The following DDX10 variants were observed in gnomAD, a reference collection of about 807,000 sequenced individuals.
The protein encoded by DDX10 is probable ATP-dependent RNA helicase DDX10.
Under a neutral mutation model 104.3 loss-of-function variants are expected in DDX10, and 74 were observed. The ratio of observed to expected loss-of-function variants is 0.71; its 90% CI spans 0.59 to 0.86. The LOEUF is 0.86. Among genes scored for constraint, DDX10 ranks in the 40% least tolerant of loss-of-function variants. DDX10 has a pLI of 0.00. For synonymous variants in DDX10, 351 were observed against 353.4 expected (o/e 0.99, Z 0.08); for missense variants, 952 against 1,040.0 (o/e 0.92, Z 1.16).
At chr11:108,708,909 A>AG (rs2094280396) in intron 10 of DDX10, among the ~76,000 whole-genome samples, 1 of 152,176 alleles carries the variant, frequency 6.6e-6, no homozygotes, top group Non-Finnish European at 1.5e-5. Flanking sequence ...TGTGATAAAA[A>AG]CAGGAAAGTG....
At chr11:108,784,905 A>G (rs1368610673) in intron 13 of DDX10, among the ~76,000 whole-genome samples, 2 of 152,214 alleles carry the variant, frequency 1.3e-5, no homozygotes, top group Non-Finnish European at 2.9e-5. Context: ...ATTCTTCTGC[A>G]TATGGCTAGC....
At chr11:108,782,938 A>C (rs1304616203) in intron 13 of DDX10, among the ~76,000 whole-genome samples, 4 of 152,164 alleles carry the variant, frequency 2.6e-5, no homozygotes, top group African/African-American at 9.6e-5. Context: ...ACATGGTCTG[A>C]GTTTAGGTCA....
intron 13 of DDX10, among the ~76,000 whole-genome samples, chr11:108,753,872 C>G (rs1437490143): frequency 2.0e-5 from 3 of 151,962 alleles, no homozygotes; most frequent in Non-Finnish European, 4.4e-5. Context: ...TTTAAAATTT[C>G]TTAGGCTTTT....
chr11:108,925,076 A>G (rs1299858122), intron 17 of DDX10, among the ~76,000 whole-genome samples: 4 of 152,222 alleles, frequency 2.6e-5, no homozygotes, highest in Non-Finnish European at 5.9e-5. Flanking sequence ...AGAAAATCTC[A>G]GTCGTTTCTT....
At chr11:108,903,007 C>A (rs1300469594) in intron 16 of DDX10, among the ~76,000 whole-genome samples, 1 of 152,054 alleles carries the variant, frequency 6.6e-6, no homozygotes, top group Admixed American at 6.6e-5. Context: ...CATAGAGTTA[C>A]CATACAACCC....
At chr11:108,774,073 C>G (rs562022246) in intron 13 of DDX10, among the ~76,000 whole-genome samples, 2 of 152,288 alleles carry the variant, frequency 1.3e-5, no homozygotes, top group South Asian at 4.1e-4. Flanking sequence ...CAAATTATTC[C>G]TAAGCTAGTA....
Position 108,940,711 on chromosome 11 carries a change from C to T in DDX10, c.*288C>T. 3.5e-6 allele frequency: 1 copy of T among 282,380 alleles called. No homozygotes were observed. Among genetic ancestry groups the T allele is most frequent in the Non-Finnish European group, 6.7e-6 (1 of 149,692 alleles). The allele number at this position is 282,380 out of a possible 1,614,324, so 17.5% of individuals were successfully genotyped here. On this transcript the variant is annotated 3_prime_UTR_variant, in exon 18 of 18. Coordinates refer to ENST00000322536, the MANE Select transcript of DDX10 (RefSeq NM_004398.4). ...GGTTCCTACGCCTTGTCATTGGAAA[C>T]ACTGCCTTTGTCTTACTGGCAAGTT...
At chr11:108,830,636 G>T (rs567800958) in intron 13 of DDX10, among the ~76,000 whole-genome samples, 59 of 152,256 alleles carry the variant, frequency 3.9e-4, no homozygotes, top group African/African-American at 1.4e-3. Context: ...GTTCTCAGGG[G>T]GGGAATGCTT....
In DDX10 at chr11:108,679,378, T is replaced by C. The variant is rs1451760679; in HGVS notation, c.666T>C (p.Asp222=). The stretch of plus-strand genomic sequence containing the variant: ...TGCATTTTCCTTTTTCAGTTCTTGA[T>C]GAAGCAGATAGAATCTTGGATATGG... The part of the protein sequence containing the change: ...HATDLQMLVL[D]EADRILDMGF... The change falls in exon 6 of 18, where the codon GAT becomes GAC. Residue 222 remains aspartate (D), a synonymous_variant. Transcript: ENST00000322536. 6.3e-7 allele frequency: 1 copy of C among 1,592,798 alleles called. No individual in the cohort carries two copies. Among genetic ancestry groups the C allele is most frequent in the African/African-American group, 1.4e-5 (1 of 73,420 alleles).
chr11:108,878,928 C>A (rs1471286805), intron 16 of DDX10, among the ~76,000 whole-genome samples: 5 of 152,142 alleles, frequency 3.3e-5, no homozygotes, highest in African/African-American at 1.2e-4. Context: ...TCGTTAGCTT[C>A]CATAGTGTTC....
chr11:108,859,500 T>C (rs1349276464), intron 16 of DDX10, among the ~76,000 whole-genome samples: 3 of 151,728 alleles, frequency 2.0e-5, no homozygotes, highest in East Asian at 1.9e-4. Flanking sequence ...TTGTAGAAAA[T>C]AGTTGTATTA....
chr11:108,727,219 G>T (rs1203198941), intron 13 of DDX10, among the ~76,000 whole-genome samples: 1 of 151,862 alleles, frequency 6.6e-6, no homozygotes, highest in Non-Finnish European at 1.5e-5. Context: ...CATGTTGATC[G>T]TTGCCCTACT....
chr11:108,940,369 G>T lies in DDX10; in HGVS notation c.2574G>T (p.Leu858=). 1 of 1,614,074 alleles carries T rather than the reference G, an allele frequency of 6.2e-7. No individual in the cohort carries two copies. The highest frequency in any genetic ancestry group is 1.1e-5 in the South Asian group (1 of 91,080). ...WDTLEPLDTG[L]SLAEDEELVL... ...CTTTAGAGCCTTTGGATACCGGCCT[G>T]TCTTTAGCAGAGGATGAAGAGCTGG... The change falls in exon 18 of 18, where the codon CTG becomes CTT. Residue 858 remains leucine (L), a synonymous_variant. Transcript: ENST00000322536.
chr11:108,862,687 G>A (rs998245634), intron 16 of DDX10, among the ~76,000 whole-genome samples: 8 of 152,128 alleles, frequency 5.3e-5, no homozygotes, highest in Admixed American at 2.0e-4. Context: ...GAGCGTAGTC[G>A]TCATTCTGCT....
intron 13 of DDX10, among the ~76,000 whole-genome samples, chr11:108,741,869 C>G (rs1175305577): frequency 1.3e-5 from 2 of 152,006 alleles, no homozygotes; most frequent in Non-Finnish European, 2.9e-5. Context: ...GTCATCACAA[C>G]TAGAAAAACA....
intron 10 of DDX10, among the ~76,000 whole-genome samples, chr11:108,707,607 A>C (rs1440484454): frequency 6.6e-6 from 1 of 152,202 alleles, no homozygotes; most frequent in Non-Finnish European, 1.5e-5. Flanking sequence ...GATTTTATGC[A>C]AATAACCACA....
intron 9 of DDX10, among the ~76,000 whole-genome samples, chr11:108,700,154 G>A (rs1476740930): frequency 6.6e-6 from 1 of 152,054 alleles, no homozygotes; most frequent in Non-Finnish European, 1.5e-5. Flanking sequence ...TGGGGTGGAG[G>A]GAGCGCAGGG....
chr11:108,705,615 G>A (rs2134460612), intron 9 of DDX10, among the ~76,000 whole-genome samples: 1 of 152,202 alleles, frequency 6.6e-6, no homozygotes, highest in East Asian at 1.9e-4. Flanking sequence ...GTTTCTTTAT[G>A]TTCTTTACAG....
In DDX10 at chr11:108,868,306, A is replaced by G. The variant is rs544623162; in HGVS notation, c.2304+16097A>G. 6.6e-5 allele frequency: 10 copies of G among 151,902 alleles called. No homozygotes were observed. In the South Asian group the frequency reaches 1.5e-3, roughly 22 times the overall value. The allele number at this position is 151,902 out of a possible 1,614,324, so 9.4% of individuals were successfully genotyped here. ...TCTGGGTGCAAGGAACATTATCAGT[A>G]TGGCTGGATGATTGAAGACCATGAA... On this transcript the variant is annotated intron_variant, in intron 16 of 17. Coordinates refer to ENST00000322536, the MANE Select transcript of DDX10 (RefSeq NM_004398.4).
Sources: allele counts gnomAD v4.1 joint callset (sites outside exome capture counted in the v4.1 genomes callset), GRCh38; gene constraint gnomAD v4.1.1; transcripts MANE v1.5; gene names NCBI Gene and HGNC (gene_info 2026-07-23, HGNC 2026-07-21).